The following COMP variants were observed in gnomAD, a reference collection of about 807,000 sequenced individuals.
COMP encodes cartilage oligomeric matrix protein, also known as cartilage oligomeric matrix protein (pseudoachondroplasia, epiphyseal dysplasia 1, multiple).
COMP carries 79 observed loss-of-function variants against 95.8 expected under a neutral mutation model. That is an observed-to-expected ratio of 0.82 (90% confidence interval 0.69 to 0.99). COMP has a LOEUF of 0.99. Ranked by LOEUF, COMP falls within the 50% of genes least tolerant of loss-of-function variation. The pLI, the probability that COMP is intolerant of heterozygous loss-of-function variation, is 0.00. For missense variants in COMP, 906 were observed against 1,076.1 expected (o/e 0.84, Z 2.21); for synonymous variants, 438 against 433.9 (o/e 1.01, Z -0.12).
Position 18,789,301 on chromosome 19 carries a change from G to T in COMP, c.391-4C>A. ...GGAAGCAGGGGTGGGCGTTGCACTG[G>T]GGGAGGAGGGGCCACAGAGGGTCAG... On this transcript the variant is annotated splice_polypyrimidine_tract_variant and splice_region_variant and intron_variant, in intron 4 of 18. Coordinates refer to ENST00000222271, the MANE Select transcript of COMP (RefSeq NM_000095.3). The surrounding 1 kb of genome is among the most constrained non-coding windows in gnomAD (Gnocchi z 6.1). 1.3e-6 allele frequency: 2 copies of T among 1,482,066 alleles called. No homozygotes were observed. Among genetic ancestry groups the T allele is most frequent in the Non-Finnish European group, 1.8e-6 (2 of 1,118,742 alleles). The allele number at this position is 1,482,066 out of a possible 1,614,324, so 91.8% of individuals were successfully genotyped here.
Position 18,789,321 on chromosome 19 carries a change from G to A in COMP, c.391-24C>T, listed in dbSNP as rs925058998. 6 of 1,462,764 alleles carry A rather than the reference G, an allele frequency of 4.1e-6. No individual in the cohort carries two copies. The African/African-American group carries it at 5.7e-5, about 14-fold the overall frequency. 90.6% of individuals were successfully genotyped at this position (1,462,764 alleles called of 1,614,324 possible). A position where few individuals can be genotyped will look rare whatever the true frequency, so the allele number is the denominator to read the frequency against. On this transcript the variant is annotated intron_variant, in intron 4 of 18. Coordinates refer to ENST00000222271, the MANE Select transcript of COMP (RefSeq NM_000095.3). This position sits in a 1 kb window ranked among gnomAD's most constrained non-coding sequence, Gnocchi z 6.1. The stretch of plus-strand genomic sequence containing the variant: ...CACTGGGGGAGGAGGGGCCACAGAG[G>A]GTCAGAGGGCTTCGAGCTGGGCCCT...
At chr19:18,786,703 C>A in intron 10 of COMP, 53 bp from the exon 11 acceptor site, 1 of 1,333,094 alleles carries the variant, frequency 7.5e-7, no homozygotes, top group Non-Finnish European at 1.0e-6. Flanking sequence ...GCCAGAATGA[C>A]TTCATTAGGA....
At position 18,788,757 on chromosome 19, in the gene COMP, C is replaced by G. The variant is rs771779223; in HGVS notation, c.604-7G>C. 5.1e-6 allele frequency: 8 copies of G among 1,582,634 alleles called. No individual in the cohort carries two copies. Among genetic ancestry groups the G allele is most frequent in the Non-Finnish European group, 6.9e-6 (8 of 1,164,254 alleles). On this transcript the variant is annotated splice_polypyrimidine_tract_variant and splice_region_variant and intron_variant, in intron 6 of 18. Coordinates refer to ENST00000222271, the MANE Select transcript of COMP (RefSeq NM_000095.3). The surrounding 1 kb of genome is among the most constrained non-coding windows in gnomAD (Gnocchi z 4.7). ...GGCCGCACTGGAAGGAGCCCTGCGCCGGAGCCGCCGGAGGTCAGCGCAGGC... is the reference window on the plus strand; with the variant it reads ...GGCCGCACTGGAAGGAGCCCTGCGCGGGAGCCGCCGGAGGTCAGCGCAGGC...
chr19:18,787,570 C>T lies in COMP; in HGVS notation c.1056G>A (p.Arg352=). ...DKWGDACDNC[R]SQKNDDQKDT... The stretch of plus-strand genomic sequence containing the variant: ...CCTTTTGGTCGTCGTTCTTCTGGGA[C>T]CGGCAGTTGTCGCACGCATCGCCCC... The change falls in exon 10 of 19, where the codon CGG becomes CGA. Residue 352 remains arginine (R), a synonymous_variant. Transcript: ENST00000222271. 6.2e-7 allele frequency: 1 copy of T among 1,614,052 alleles called. No individual in the cohort carries two copies. The highest frequency in any genetic ancestry group is 1.1e-5 in the South Asian group (1 of 91,082).
intron 11 of COMP, 23 bp from the exon 12 acceptor site, chr19:18,786,314 G>A (rs757563215): frequency 1.2e-6 from 2 of 1,613,600 alleles, no homozygotes; most frequent in South Asian, 2.2e-5. Flanking sequence ...GCATGCGGGG[G>A]TCCATAATCA....
chr19:18,790,154 T>A, intron 3 of COMP, 40 bp from the exon 4 acceptor site: 2 of 1,456,632 alleles, frequency 1.4e-6, no homozygotes, highest in Non-Finnish European at 1.8e-6. Context: ...GGCTGATCGG[T>A]GGCTCGCCCG....
rs569268488 is a variant in COMP, at chr19:18,784,008, G to A, written c.2087+183C>T. ...GATCCTCCCATCTTGGCTTTCCAAA[G>A]TGATGGGGTTACAGGTGTGAGCCAC... On this transcript the variant is annotated intron_variant, in intron 17 of 18. Coordinates refer to ENST00000222271, the MANE Select transcript of COMP (RefSeq NM_000095.3). This position sits in a 1 kb window ranked among gnomAD's most constrained non-coding sequence, Gnocchi z 4.9. Among the ~76,000 whole-genome samples the A allele has an allele frequency of 2.6e-5, 4 of 152,148 alleles. No individual in the cohort carries two copies. The highest frequency in any genetic ancestry group is 5.9e-5 in the Non-Finnish European group (4 of 68,024).
rs140712407 is a variant in COMP, at chr19:18,786,370, C to T, written c.1255-79G>A. 8.0e-4 allele frequency: 1,284 copies of T among 1,600,772 alleles called. 3 individuals are homozygous for T. In the African/African-American group the frequency reaches 0.014, roughly 18 times the overall value. On this transcript the variant is annotated intron_variant, in intron 11 of 18. Transcript: ENST00000222271. ...CTCCCACCCAACCCAGCCGCACAGC[C>T]AAGGTCCTCCTGACCCCAAGGAAAC...
chr19:18,782,893 C>G lies in COMP; in HGVS notation c.*22G>C, dbSNP rs768596038. On this transcript the variant is annotated 3_prime_UTR_variant, in exon 19 of 19. Transcript: ENST00000222271. ...AGCCGCGGTGAGGGTGGCTGTCATC[C>G]GGCGGGTCCTCACCCTGGTCCCTAG... 4 of 1,609,682 alleles carry G rather than the reference C, an allele frequency of 2.5e-6. No homozygotes were observed.
In COMP at chr19:18,790,088, G is replaced by A. The variant is rs1367383095; in HGVS notation, c.244C>T (p.Leu82=). The part of the protein sequence containing the change: ...CGMQQSVRTG[L]PSVRPLLHCA... ...TGGAGCAGGGGCCGCACGCTGGGTA[G>A]GCCGGTGCGTACTGACTGCTGCATC... Residue 82 remains leucine (L), a synonymous_variant, in exon 4 of 19, where the codon CTA becomes TTA. Transcript: ENST00000222271. 1.9e-6 allele frequency: 3 copies of A among 1,541,568 alleles called. No individual in the cohort carries two copies. The highest frequency in any genetic ancestry group is 1.7e-6 in the Non-Finnish European group (2 of 1,147,376).
In COMP at chr19:18,790,557, C is replaced by T. The variant is rs374979331; in HGVS notation, c.217+5G>A. ...TCTCTCTCCCGACCGCCCCGCCGCG[C>T]TCACCGCACGCGTCACACTCCATCA... is the stretch of plus-strand genomic sequence containing the variant. On this transcript the variant is annotated splice_donor_5th_base_variant and intron_variant, in intron 3 of 18. Coordinates refer to ENST00000222271, the MANE Select transcript of COMP (RefSeq NM_000095.3). The T allele has an allele frequency of 2.5e-6, 4 of 1,613,782 alleles. No homozygotes were observed. In the African/African-American group the frequency reaches 5.3e-5, roughly 22 times the overall value.
rs778795530 is a variant in COMP at position 18,786,499 on chromosome 19, G to C, written c.1254+33C>G. The C allele has an allele frequency of 4.4e-6, 7 of 1,592,324 alleles. No individual in the cohort carries two copies. The East Asian group carries it at 1.1e-4, about 25-fold the overall frequency. On this transcript the variant is annotated intron_variant, in intron 11 of 18. Coordinates refer to ENST00000222271, the MANE Select transcript of COMP (RefSeq NM_000095.3). Reference sequence around the variant, plus strand: ...AATCCAACTTGCAGTTCACCCAGAGGGCTTACCCAGCTGGAGTCTGGCCTG... The same window carrying C: ...AATCCAACTTGCAGTTCACCCAGAGCGCTTACCCAGCTGGAGTCTGGCCTG...
chr19:18,786,815 C>A, intron 10 of COMP, 165 bp from the exon 11 acceptor site: 1 of 521,976 alleles, frequency 1.9e-6, no homozygotes, highest in Non-Finnish European at 3.3e-6. Context: ...TTGTGTCACT[C>A]AGGCTGGAGT....
chr19:18,787,870 C>CTTTTTCTTTTTCTT lies in COMP; in HGVS notation c.976-221_976-220insAAGAAAAAGAAAAA, dbSNP rs764518645. On this transcript the variant is annotated intron_variant, in intron 9 of 18. Transcript: ENST00000222271. ...CTTTTTTCTTTTTCTTTTTCTCTTT[C>CTTTTTCTTTTTCTT]TTTCTTTCTTTCTTTCTTTCTTTCT... Among the ~76,000 whole-genome samples the CTTTTTCTTTTTCTT allele has an allele frequency of 5.1e-4, 27 of 53,010 alleles. 1 individual carries two copies. In the South Asian group the frequency reaches 0.013, roughly 26 times the overall value. 34.8% of individuals were successfully genotyped at this position (53,010 alleles called of 152,430 possible).
intron 3 of COMP, 57 bp downstream of exon 3, chr19:18,790,503 CTG>C: frequency 6.2e-7 from 1 of 1,604,138 alleles, no homozygotes; most frequent in Non-Finnish European, 8.5e-7. Flanking sequence ...CTCTCTGTCT[CTG>C]TCTCTGTGTC....
At chr19:18,790,728 C>A in intron 2 of COMP, 115 bp from the exon 3 acceptor site, 1 of 1,608,790 alleles carries the variant, frequency 6.2e-7, no homozygotes. Context: ...GACTCCCTAC[C>A]CGCCGACCCC....
chr19:18,784,477 G>T lies in COMP; in HGVS notation c.1915-114C>A. The stretch of plus-strand genomic sequence containing the variant: ...AGGTGGTGGGCGGCCAGGGGGATCC[G>T]GATGAGAGACCCACAAGGAAGCCTT... On this transcript the variant is annotated intron_variant, in intron 16 of 18. Coordinates refer to ENST00000222271, the MANE Select transcript of COMP (RefSeq NM_000095.3). This position sits in a 1 kb window ranked among gnomAD's most constrained non-coding sequence, Gnocchi z 4.9. 8.1e-7 allele frequency: 1 copy of T among 1,241,786 alleles called. No individual in the cohort carries two copies. Among genetic ancestry groups the T allele is most frequent in the South Asian group, 1.2e-5 (1 of 80,082 alleles). The allele number at this position is 1,241,786 out of a possible 1,614,324, so 76.9% of individuals were successfully genotyped here.
At position 18,784,739 on chromosome 19, in the gene COMP, T is replaced by C. The variant is rs1158411308; in HGVS notation, c.1914+157A>G. Among the ~76,000 whole-genome samples the C allele has an allele frequency of 6.6e-6, 1 of 151,676 alleles. No individual in the cohort carries two copies. The highest frequency in any genetic ancestry group is 1.9e-4 in the East Asian group (1 of 5,162). Reference sequence around the variant, plus strand: ...AATTTGTGCAAGGAACTGGGAGGATTTGGGGACTGCGGGAGCCCAGAGGAG... The same window carrying C: ...AATTTGTGCAAGGAACTGGGAGGATCTGGGGACTGCGGGAGCCCAGAGGAG... On this transcript the variant is annotated intron_variant, in intron 16 of 18. Transcript: ENST00000222271. This position sits in a 1 kb window ranked among gnomAD's most constrained non-coding sequence, Gnocchi z 4.9.
In COMP at chr19:18,791,298, C is replaced by T. The variant is rs2055212165; in HGVS notation, c.-29G>A. On this transcript the variant is annotated 5_prime_UTR_variant, in exon 1 of 19. Coordinates refer to ENST00000222271, the MANE Select transcript of COMP (RefSeq NM_000095.3). Reference sequence around the variant, plus strand: ...GGTGGCGGGGAGCTGGGTGGCTGCTCGCTTTCTACCGCCCACGAGGCCCGC... The same window carrying T: ...GGTGGCGGGGAGCTGGGTGGCTGCTTGCTTTCTACCGCCCACGAGGCCCGC... 1.9e-6 allele frequency: 3 copies of T among 1,568,426 alleles called. No homozygotes were observed. The highest frequency in any genetic ancestry group is 1.3e-5 in the African/African-American group (1 of 74,424).
Sources: allele counts gnomAD v4.1 joint callset (sites outside exome capture counted in the v4.1 genomes callset), GRCh38; gene constraint gnomAD v4.1.1; non-coding constraint Gnocchi (gnomAD v3.1); transcripts MANE v1.5; gene names NCBI Gene and HGNC (gene_info 2026-07-23, HGNC 2026-07-21).